Variants in ATAD2B observed in about 807,000 individuals in gnomAD.
ATAD2B encodes ATPase family AAA domain containing 2B, also known as ATPase family AAA domain-containing protein 2B.
Under a neutral mutation model 167.6 loss-of-function variants are expected in ATAD2B, and 40 were observed. That is an observed-to-expected ratio of 0.24 (90% confidence interval 0.19 to 0.31). The LOEUF (loss-of-function observed/expected upper bound fraction) is 0.31. ATAD2B is among the 10% of genes least tolerant of loss of function. ATAD2B has a pLI of 1.00. For missense variants in ATAD2B, 1,242 were observed against 1,757.2 expected, an observed-to-expected ratio of 0.71 and a Z score of 5.24; for synonymous variants, 579 against 596.5, an observed-to-expected ratio of 0.97 and a Z score of 0.43.
the ATAD2B span, among the ~76,000 whole-genome samples, chr2:23,730,923 T>C: frequency 1.3e-5 from 2 of 150,096 alleles, no homozygotes; most frequent in South Asian, 4.2e-4. Flanking sequence ...AAAAAGAGAC[T>C]GATCAAGAAA....
chr2:23,783,149 T>A, intron 21 of ATAD2B, 121 bp from the exon 22 acceptor site: 1 of 516,632 alleles, frequency 1.9e-6, no homozygotes, highest in Non-Finnish European at 3.1e-6. Context: ...AAATAATTTA[T>A]AAAGATAAAA....
chr2:23,800,147 A>G (rs1198834143), intron 18 of ATAD2B, among the ~76,000 whole-genome samples: 4 of 152,048 alleles, frequency 2.6e-5, no homozygotes, highest in Non-Finnish European at 5.9e-5. Flanking sequence ...ACAGTGACCA[A>G]CTCCTTTTGT....
At chr2:23,688,570 C>T in the ATAD2B span, among the ~76,000 whole-genome samples, 3 of 152,238 alleles carry the variant, frequency 2.0e-5, no homozygotes, top group African/African-American at 7.2e-5. Flanking sequence ...GCAGAGGCTG[C>T]GTCCCGGACT....
chr2:23,703,354 G>A, the ATAD2B span: 1 of 1,517,634 alleles, frequency 6.6e-7, no homozygotes, highest in Non-Finnish European at 8.8e-7. Flanking sequence ...CCAACACGTG[G>A]AGCTTCATCG....
At chr2:23,911,734 C>T (rs1702338410) in intron 1 of ATAD2B, among the ~76,000 whole-genome samples, 2 of 151,870 alleles carry the variant, frequency 1.3e-5, no homozygotes, top group South Asian at 2.1e-4. Flanking sequence ...CAGCACTTTG[C>T]GAGGCCAAGG....
chr2:23,869,603 CA>C (rs762727865), intron 9 of ATAD2B, 59 bp downstream of exon 9: 38 of 1,209,548 alleles, frequency 3.1e-5, no homozygotes, highest in African/African-American at 6.0e-5. Context: ...GAAAATCACT[CA>C]AAAAAAACTT....
At chr2:23,872,922 G>T in intron 8 of ATAD2B, 1 of 766,550 alleles carries the variant, frequency 1.3e-6, no homozygotes, top group Non-Finnish European at 2.4e-6. Context: ...GGCCCGCCGG[G>T]CTCACATTGG....
rs1572649593 is a variant in ATAD2B at position 23,761,869 on chromosome 2, C to T, written c.3394+340G>A. 2.6e-5 allele frequency among the ~76,000 whole-genome samples: 4 copies of T among 152,220 alleles called. No homozygotes were observed. The South Asian group carries it at 8.3e-4, about 32-fold the overall frequency. On this transcript the variant is annotated intron_variant, in intron 24 of 27. Coordinates refer to ENST00000238789, the MANE Select transcript of ATAD2B (RefSeq NM_017552.4). ...CCATTTCCCACCCTAAAGAGAACAT[C>T]CTGCATAGTGTACAAGGAGTGGAGG... is the stretch of plus-strand genomic sequence containing the variant.
chr2:23,741,531 A>T, the ATAD2B span, among the ~76,000 whole-genome samples: 1 of 152,158 alleles, frequency 6.6e-6, no homozygotes, highest in African/African-American at 2.4e-5. Context: ...TCCCTTCCTT[A>T]CACCTTATAC....
chr2:23,739,929 G>A, the ATAD2B span, among the ~76,000 whole-genome samples: 3 of 152,134 alleles, frequency 2.0e-5, no homozygotes, highest in East Asian at 1.9e-4. Flanking sequence ...ACACCTCTAC[G>A]CAAATAAACT....
At chr2:23,716,555 T>C in the ATAD2B span, among the ~76,000 whole-genome samples, 2 of 152,212 alleles carry the variant, frequency 1.3e-5, no homozygotes, top group African/African-American at 4.8e-5. Flanking sequence ...ATTTGCTCTT[T>C]AGTTTCATTA....
chr2:23,763,638 G>A (rs1677033537), intron 23 of ATAD2B, among the ~76,000 whole-genome samples: 1 of 152,128 alleles, frequency 6.6e-6, no homozygotes, highest in Non-Finnish European at 1.5e-5. Context: ...CACCCAGGGT[G>A]GACTGCAGTG....
chr2:23,747,983 T>C (rs1307001858), downstream of ATAD2B, among the ~76,000 whole-genome samples: 4 of 152,124 alleles, frequency 2.6e-5, no homozygotes, highest in South Asian at 2.1e-4. Context: ...TATCTAAACA[T>C]TCAGACAGTG....
chr2:23,747,128 A>T (rs1484852595), downstream of ATAD2B, among the ~76,000 whole-genome samples: 5 of 152,088 alleles, frequency 3.3e-5, no homozygotes. Context: ...CATCTACTGA[A>T]TCCTGCACTG....
At position 23,757,696 on chromosome 2, in the gene ATAD2B, C is replaced by A. The variant is rs1293319347; in HGVS notation, c.3800G>T (p.Cys1267Phe). The A allele has an allele frequency of 3.7e-6, 6 of 1,612,704 alleles. No individual in the cohort carries two copies. The African/African-American group carries it at 6.7e-5, about 18-fold the overall frequency. Residue 1267 changes from cysteine (C) to phenylalanine (F), a missense_variant, in exon 25 of 28, where the codon TGT (cysteine) becomes TTT (phenylalanine). Transcript: ENST00000238789. ...SRKETFLKGNCLNGEASTDSF... is the reference protein window; with the variant it reads ...SRKETFLKGNFLNGEASTDSF... ...GTCAGTGGAAGCCTCACCATTTAGACAATTTCCTTTAAGGAAAGTCTCTTT... is the reference window on the plus strand; with the variant it reads ...GTCAGTGGAAGCCTCACCATTTAGAAAATTTCCTTTAAGGAAAGTCTCTTT...
chr2:23,707,692 G>T, the ATAD2B span: 2 of 152,356 alleles, frequency 1.3e-5, no homozygotes, highest in East Asian at 3.8e-4. Context: ...GACCAGGCCA[G>T]TGGGAAGGGA....
downstream of ATAD2B, among the ~76,000 whole-genome samples, chr2:23,743,953 A>G (rs938081281): frequency 6.6e-6 from 1 of 152,336 alleles, no homozygotes; most frequent in South Asian, 2.1e-4. Flanking sequence ...AGGTAAATAA[A>G]TACAATGAAG....
At chr2:23,912,401 G>T (rs935193745) in intron 1 of ATAD2B, among the ~76,000 whole-genome samples, 3 of 151,944 alleles carry the variant, frequency 2.0e-5, no homozygotes, top group African/African-American at 7.3e-5. Flanking sequence ...TAGCTACTTG[G>T]GAGGCTGAGA....
chr2:23,754,981 C>T (rs1027717051), intron 25 of ATAD2B: 9 of 447,304 alleles, frequency 2.0e-5, no homozygotes, highest in Admixed American at 1.2e-4. Flanking sequence ...AACTAAACTA[C>T]AACTTAAAAA....
Sources: gnomAD v4.1 joint callset for allele counts (sites outside exome capture counted in the v4.1 genomes callset) on GRCh38, gnomAD v4.1.1 for gene constraint, MANE v1.5 for transcripts, NCBI Gene and HGNC (gene_info 2026-07-23, HGNC 2026-07-21) for gene names.